COL12A1: variants seen among roughly 807,000 people sequenced by gnomAD.
COL12A1 encodes the protein collagen alpha-1(XII) chain.
COL12A1 carries 114 observed loss-of-function variants against 349.7 expected under a neutral mutation model. The ratio of observed to expected loss-of-function variants is 0.33; its 90% CI spans 0.28 to 0.38. COL12A1 has a LOEUF of 0.38. Among genes scored for constraint, COL12A1 ranks in the 10% least tolerant of loss-of-function variants. The pLI is 1.00. For synonymous variants in COL12A1, 1,369 were observed against 1,329.0 expected (o/e 1.03, Z -0.66); for missense variants, 3,284 against 3,756.9 (o/e 0.87, Z 3.29).
At chr6:75,144,644 A>T (rs1020016208) in intron 25 of COL12A1, among the ~76,000 whole-genome samples, 1 of 152,170 alleles carries the variant, frequency 6.6e-6, no homozygotes. Flanking sequence ...AAAGCACCTA[A>T]ATGCTTAGTA....
At chr6:75,175,637 A>G (rs1400357727) in intron 12 of COL12A1, among the ~76,000 whole-genome samples, 1 of 152,248 alleles carries the variant, frequency 6.6e-6, no homozygotes, top group East Asian at 1.9e-4. Flanking sequence ...GCACTATAAA[A>G]TATATACACA....
chr6:75,155,824 T>C lies in COL12A1; in HGVS notation c.3281A>G (p.Lys1094Arg), dbSNP rs753727898. 1 of 1,609,474 alleles carries C rather than the reference T, an allele frequency of 6.2e-7. No individual in the cohort carries two copies. The highest frequency in any genetic ancestry group is 8.5e-7 in the Non-Finnish European group (1 of 1,178,512). ...ASRFKSPRNL[K>R]TSDPTMSSFR... ...GCTTGACATGGTTGGGTCAGATGTT[T>C]TGAGGTTTCTAGGAGACTTAAACCG... Residue 1094 changes from lysine to arginine, a missense_variant, in exon 16 of 66, where the codon AAA becomes AGA. Transcript: ENST00000322507.
At chr6:75,136,137 C>T (rs991106598) in intron 31 of COL12A1, among the ~76,000 whole-genome samples, 1 of 152,052 alleles carries the variant, frequency 6.6e-6, no homozygotes, top group Non-Finnish European at 1.5e-5. Flanking sequence ...CATCAATGCC[C>T]CCAAGATGGG....
At chr6:75,150,631 G>A (rs139058633) in intron 21 of COL12A1, among the ~76,000 whole-genome samples, 1 of 152,022 alleles carries the variant, frequency 6.6e-6, no homozygotes, top group Non-Finnish European at 1.5e-5. Context: ...TTTAAAAAAG[G>A]TACCAAAACT....
intron 2 of COL12A1, among the ~76,000 whole-genome samples, chr6:75,195,289 T>C (rs1269004068): frequency 2.6e-5 from 4 of 152,114 alleles, no homozygotes; most frequent in Admixed American, 2.6e-4. Flanking sequence ...TGCAAACAAT[T>C]CACATAACAA....
In COL12A1 at chr6:75,143,284, G is replaced by A; in HGVS notation, c.4795C>T (p.Arg1599Ter). 1 of 1,613,392 alleles carries A rather than the reference G, an allele frequency of 6.2e-7. No homozygotes were observed. The highest frequency in any genetic ancestry group is 8.5e-7 in the Non-Finnish European group (1 of 1,179,796). ...VPGKVRKYIV[R>*]YKTPEEDVKE... The stretch of plus-strand genomic sequence containing the variant: ...ACATCCTCTTCTGGTGTTTTGTATC[G>A]AACAATATATTTACGCACTTTTCCA... The change falls in exon 26 of 66, where the codon CGA becomes TGA. Residue 1599 changes from arginine to a stop codon, truncating the protein, a stop_gained. Coordinates refer to ENST00000322507, the MANE Select transcript of COL12A1 (RefSeq NM_004370.6). LOFTEE classifies it high-confidence loss of function.
intron 51 of COL12A1, among the ~76,000 whole-genome samples, chr6:75,112,216 G>A (rs188867100): frequency 5.3e-4 from 80 of 151,856 alleles, no homozygotes; most frequent in African/African-American, 1.7e-3. Context: ...CTATCAGAGG[G>A]TGTCAGGTGA....
At chr6:75,196,503 G>A (rs1770233100) in intron 2 of COL12A1, among the ~76,000 whole-genome samples, 1 of 152,266 alleles carries the variant, frequency 6.6e-6, no homozygotes, top group East Asian at 1.9e-4. Context: ...GGATACACTA[G>A]TATTGGAATG....
Position 75,156,304 on chromosome 6 carries a change from A to G in COL12A1, c.3203T>C (p.Ile1068Thr). 6.2e-7 allele frequency: 1 copy of G among 1,613,842 alleles called. No homozygotes were observed. Among genetic ancestry groups the G allele is most frequent in the Non-Finnish European group, 8.5e-7 (1 of 1,179,838 alleles). The stretch of plus-strand genomic sequence containing the variant: ...AAGCTTTCCTTCTCCCATCTTGTAA[A>G]TAGGAAGAACTGTGATGTCATATGT... ...QTTYDITVLP[I>T]YKMGEGKLRQ... Residue 1068 changes from isoleucine (I) to threonine (T), a missense_variant, in exon 15 of 66, where the codon ATT (isoleucine) becomes ACT (threonine). Transcript: ENST00000322507.
At chr6:75,113,901 G>T (rs2149359106) in intron 49 of COL12A1, among the ~76,000 whole-genome samples, 157 bp from the exon 50 acceptor site, 2 of 151,836 alleles carry the variant, frequency 1.3e-5, no homozygotes, top group South Asian at 4.2e-4. Context: ...TACTAATCTG[G>T]CTCCTTCTGA....
chr6:75,104,586 C>T (rs960978351), intron 54 of COL12A1, among the ~76,000 whole-genome samples: 1 of 152,158 alleles, frequency 6.6e-6, no homozygotes, highest in East Asian at 1.9e-4. Context: ...GATACTGGAT[C>T]GACTAACTCA....
intron 60 of COL12A1, among the ~76,000 whole-genome samples, chr6:75,094,216 T>A (rs544332047): frequency 3.9e-5 from 6 of 152,300 alleles, no homozygotes; most frequent in African/African-American, 1.2e-4. Flanking sequence ...ACTTTTTTTT[T>A]AACTCGGGTT....
At chr6:75,123,096 A>C (rs1021806837) in intron 43 of COL12A1, among the ~76,000 whole-genome samples, 4 of 152,220 alleles carry the variant, frequency 2.6e-5, no homozygotes, top group African/African-American at 7.2e-5. Context: ...GAGGAAACAG[A>C]CTTCCAGCTG....
At chr6:75,122,126 C>T (rs1014972494) in intron 43 of COL12A1, among the ~76,000 whole-genome samples, 7 of 152,228 alleles carry the variant, frequency 4.6e-5, no homozygotes, top group African/African-American at 1.7e-4. Context: ...CAGGCGTGAG[C>T]CACCGCACCT....
Position 75,090,116 on chromosome 6 carries a change from C to T in COL12A1, c.8935G>A (p.Glu2979Lys), listed in dbSNP as rs781622111. The change falls in exon 63 of 66, where the codon GAA becomes AAA. Residue 2979 changes from glutamate to lysine, a missense_variant. Around this residue, in one of 2 missense-constraint regions of COL12A1, gnomAD observed 683 missense variants for 932.1 expected, o/e 0.73. Coordinates refer to ENST00000322507, the MANE Select transcript of COL12A1 (RefSeq NM_004370.6). The surrounding 1 kb of genome is among the most constrained non-coding windows in gnomAD (Gnocchi z 4.1). ...GTPGMQGPPG[E>K]RGLPGEKGER... ...AGAAGCCAGAAATGCCTACCTCGTT[C>T]CCCAGGGGGTCCCTGCATCCCTGGT... is the stretch of plus-strand genomic sequence containing the variant. The T allele has an allele frequency of 6.2e-6, 10 of 1,613,214 alleles. No homozygotes were observed. The Admixed American group carries it at 8.3e-5, about 13-fold the overall frequency.
chr6:75,170,214 A>G (rs1470331484), intron 13 of COL12A1, among the ~76,000 whole-genome samples: 1 of 152,226 alleles, frequency 6.6e-6, no homozygotes, highest in Non-Finnish European at 1.5e-5. Flanking sequence ...ATCATGAAAT[A>G]AAACTGCATT....
Position 75,087,688 on chromosome 6 carries a change from CA to C in COL12A1, c.9069del (p.Gly3024AlafsTer53). The C allele has an allele frequency of 6.2e-7, 1 of 1,610,160 alleles. No homozygotes were observed. Among genetic ancestry groups the C allele is most frequent in the Non-Finnish European group, 8.5e-7 (1 of 1,178,798 alleles). ...GAGTTTCCAGGACGGCCAGGGGGGC[CA>C]GGGGGACCTCTTGAACCTGTGGACC... is the stretch of plus-strand genomic sequence containing the variant. Reference protein sequence around the residue: ...PPGSTGSRGPPGPPGRPGNSG... With the variant: ...PPGSTGSRGPXGPPGRPGNSG... On this transcript the variant is annotated frameshift_variant, in exon 65 of 66. Coordinates refer to ENST00000322507, the MANE Select transcript of COL12A1 (RefSeq NM_004370.6). LOFTEE classifies it high-confidence loss of function.
intron 54 of COL12A1, among the ~76,000 whole-genome samples, chr6:75,104,723 A>G (rs1768463731): frequency 6.6e-6 from 1 of 152,186 alleles, no homozygotes; most frequent in Non-Finnish European, 1.5e-5. Context: ...AGTTATTCCA[A>G]ACCCAGAGTT....
At chr6:75,177,621 A>G in intron 12 of COL12A1, 42 bp downstream of exon 12, 2 of 1,612,826 alleles carry the variant, frequency 1.2e-6, no homozygotes, top group Middle Eastern at 1.7e-4. Context: ...CCTCTAGTCT[A>G]AGAGTTTGGT....
Sources: allele counts gnomAD v4.1 joint callset (sites outside exome capture counted in the v4.1 genomes callset), GRCh38; gene constraint gnomAD v4.1.1; regional missense constraint gnomAD v4.1.1; non-coding constraint Gnocchi (gnomAD v3.1); transcripts MANE v1.5; gene names NCBI Gene and HGNC (gene_info 2026-07-23, HGNC 2026-07-21).